CSMD1: variants seen among roughly 807,000 people sequenced by gnomAD.
CSMD1 encodes the protein CUB and Sushi multiple domains 1.
CSMD1 carries 213 observed loss-of-function variants against 417.5 expected under a neutral mutation model. The observed-to-expected ratio is 0.51, with a 90% confidence interval of 0.46 to 0.57. The LOEUF (loss-of-function observed/expected upper bound fraction) is 0.57, where lower values mean the gene tolerates loss of function less well. Among genes scored for constraint, CSMD1 ranks in the 20% least tolerant of loss-of-function variants. The pLI, the probability that CSMD1 is intolerant of heterozygous loss-of-function variation, is 0.00. For synonymous variants in CSMD1, 2,862 were observed against 1,736.8 expected (o/e 1.65, Z -16.11); for missense variants, 6,923 against 4,529.7 (o/e 1.53, Z -15.17).
intron 3 of CSMD1, among the ~76,000 whole-genome samples, chr8:4,082,537 C>T (rs1369941847): frequency 1.3e-5 from 2 of 152,170 alleles, no homozygotes; most frequent in South Asian, 2.1e-4. Flanking sequence ...AAAGGAAACA[C>T]ACAAAAACAA....
chr8:3,215,646 G>T (rs1050599288), intron 29 of CSMD1, among the ~76,000 whole-genome samples: 25 of 152,038 alleles, frequency 1.6e-4, no homozygotes, highest in Admixed American at 2.6e-4. Flanking sequence ...CAGTCATGTT[G>T]TTCTGCAGTC....
chr8:2,942,712 T>C (rs1225152905), intron 68 of CSMD1, 108 bp from the exon 69 acceptor site: 3 of 809,610 alleles, frequency 3.7e-6, no homozygotes, highest in South Asian at 3.7e-5. Context: ...GCAGACGGAG[T>C]TGCCATTTCA....
intron 3 of CSMD1, among the ~76,000 whole-genome samples, chr8:4,054,740 G>T (rs1798603902): frequency 6.6e-6 from 1 of 152,124 alleles, no homozygotes; most frequent in African/African-American, 2.4e-5. Flanking sequence ...GACATTTTGT[G>T]ATGTGTCATT....
chr8:3,845,278 T>C (rs1403065141), intron 5 of CSMD1, among the ~76,000 whole-genome samples: 3 of 152,172 alleles, frequency 2.0e-5, no homozygotes, highest in Non-Finnish European at 2.9e-5. Context: ...GCAAATATCG[T>C]AGAGTGAACT....
chr8:4,595,536 C>A (rs951435324), intron 2 of CSMD1, among the ~76,000 whole-genome samples: 1 of 152,050 alleles, frequency 6.6e-6, no homozygotes, highest in Non-Finnish European at 1.5e-5. Flanking sequence ...CTACTGTAGA[C>A]TAGCTCTGGT....
intron 3 of CSMD1, among the ~76,000 whole-genome samples, chr8:4,358,479 C>A (rs1801562037): frequency 1.3e-5 from 2 of 152,200 alleles, no homozygotes; most frequent in Admixed American, 1.3e-4. Context: ...GGCTCCTTTC[C>A]ACAAGGTGTA....
intron 7 of CSMD1, among the ~76,000 whole-genome samples, chr8:3,652,592 G>A (rs567978760): frequency 3.3e-5 from 5 of 152,306 alleles, no homozygotes; most frequent in African/African-American, 7.2e-5. Flanking sequence ...TGTCGTACAC[G>A]GTGACAGGCA....
intron 2 of CSMD1, among the ~76,000 whole-genome samples, chr8:4,422,982 A>AT (rs34551987): frequency 0.019 from 2,897 of 152,186 alleles, 82 homozygotes; most frequent in African/African-American, 0.065. Flanking sequence ...TAATCATTGA[A>AT]CATGAGAAAA....
intron 3 of CSMD1, among the ~76,000 whole-genome samples, chr8:4,244,106 T>C (rs1802556349): frequency 6.6e-6 from 1 of 152,186 alleles, no homozygotes; most frequent in South Asian, 2.1e-4. Context: ...AGATGACTAC[T>C]GGGTGCTGTG....
intron 10 of CSMD1, among the ~76,000 whole-genome samples, chr8:3,513,288 C>G (rs1273836266): frequency 6.6e-6 from 1 of 151,350 alleles, no homozygotes; most frequent in Non-Finnish European, 1.5e-5. Context: ...GGAGTATTTT[C>G]TGAGTGAAGA....
At chr8:4,912,151 A>G (rs1327882735) in intron 1 of CSMD1, among the ~76,000 whole-genome samples, 1 of 148,948 alleles carries the variant, frequency 6.7e-6, no homozygotes, top group Non-Finnish European at 1.5e-5. Context: ...AGAAAGAAAG[A>G]AAAGAAAAGA....
At chr8:4,007,158 G>C (rs1199659038) in intron 4 of CSMD1, among the ~76,000 whole-genome samples, 1 of 151,946 alleles carries the variant, frequency 6.6e-6, no homozygotes, top group Non-Finnish European at 1.5e-5. Context: ...CTATTTCTCA[G>C]TGAAATCAAG....
chr8:4,200,716 G>C (rs1020971021), intron 3 of CSMD1, among the ~76,000 whole-genome samples: 11 of 152,078 alleles, frequency 7.2e-5, no homozygotes, highest in African/African-American at 2.2e-4. Flanking sequence ...TAAAAAACTA[G>C]CCAGACATGG....
At chr8:3,016,216 A>G (rs957816052) in intron 52 of CSMD1, among the ~76,000 whole-genome samples, 3 of 152,202 alleles carry the variant, frequency 2.0e-5, no homozygotes, top group African/African-American at 4.8e-5. Context: ...CCTAGTTGAT[A>G]TTTGGATTAT....
intron 2 of CSMD1, among the ~76,000 whole-genome samples, chr8:4,595,139 C>T (rs913449090): frequency 6.6e-6 from 1 of 151,956 alleles, no homozygotes; most frequent in Non-Finnish European, 1.5e-5. Context: ...TCTGAGCATC[C>T]TCATTTAGTT....
intron 7 of CSMD1, among the ~76,000 whole-genome samples, chr8:3,676,439 C>T (rs1799378955): frequency 1.3e-5 from 2 of 152,174 alleles, no homozygotes; most frequent in South Asian, 4.1e-4. Flanking sequence ...TAAATGCTAA[C>T]ATTAGTTATG....
chr8:3,890,036 T>A (rs116709680), intron 5 of CSMD1, among the ~76,000 whole-genome samples: 4,803 of 152,156 alleles, frequency 0.032, 242 homozygotes, highest in African/African-American at 0.11. Context: ...AACATTTTTT[T>A]AAAAAAGTTT....
chr8:3,786,125 T>A (rs1197150225), intron 5 of CSMD1, among the ~76,000 whole-genome samples: 2 of 151,914 alleles, frequency 1.3e-5, no homozygotes, highest in Non-Finnish European at 2.9e-5. Flanking sequence ...CAAATAGAGG[T>A]GAGGCTGCTT....
At chr8:3,721,787 T>C (rs75945473) in intron 6 of CSMD1, among the ~76,000 whole-genome samples, 8,515 of 152,214 alleles carry the variant, frequency 0.056, 541 homozygotes, top group African/African-American at 0.16. Flanking sequence ...TCTCTCTGAA[T>C]GGTCAATCTT....
Sources: allele counts gnomAD v4.1 joint callset (sites outside exome capture counted in the v4.1 genomes callset), GRCh38; gene constraint gnomAD v4.1.1; transcripts MANE v1.5; gene names NCBI Gene and HGNC (gene_info 2026-07-23, HGNC 2026-07-21).